Variants in RFTN1 observed in about 807,000 individuals in gnomAD.
RFTN1 encodes raftlin.
A neutral mutation model predicts 46.5 loss-of-function variants in RFTN1; 26 were observed. The observed-to-expected ratio is 0.56, with a 90% confidence interval of 0.41 to 0.78. The LOEUF is 0.78. RFTN1 is among the 30% of genes least tolerant of loss of function. RFTN1 has a pLI of 0.00. For missense variants in RFTN1, 693 were observed against 718.7 expected (o/e 0.96, Z 0.41); for synonymous variants, 261 against 284.2 (o/e 0.92, Z 0.82).
Position 16,451,564 on chromosome 3 carries a change from C to T in RFTN1, c.146-17527G>A, listed in dbSNP as rs533382894. 6.6e-6 allele frequency among the ~76,000 whole-genome samples: 1 copy of T among 152,164 alleles called. No homozygotes were observed. Among genetic ancestry groups the T allele is most frequent in the African/African-American group, 2.4e-5 (1 of 41,422 alleles). On this transcript the variant is annotated intron_variant, in intron 2 of 9. Coordinates refer to ENST00000334133, the MANE Select transcript of RFTN1 (RefSeq NM_015150.2). This position sits in a 1 kb window ranked among gnomAD's most constrained non-coding sequence, Gnocchi z 4.2. Reference sequence around the variant, plus strand: ...TCCCCTCTTCTCCACAGGGGATATGCCTGAAACCACAGATAGTAAAGAACC... The same window carrying T: ...TCCCCTCTTCTCCACAGGGGATATGTCTGAAACCACAGATAGTAAAGAACC...
At chr3:16,470,948 A>G (rs929046341) in intron 2 of RFTN1, among the ~76,000 whole-genome samples, 3 of 152,252 alleles carry the variant, frequency 2.0e-5, no homozygotes, top group South Asian at 2.1e-4. Flanking sequence ...ACTAAATTCA[A>G]TATCTGTCCA....
intron 1 of RFTN1, among the ~76,000 whole-genome samples, chr3:16,495,864 T>C (rs2076616382): frequency 1.3e-5 from 2 of 152,240 alleles, no homozygotes. Flanking sequence ...CATCCCCCCT[T>C]GGGAACAATC....
chr3:16,360,671 A>G (rs1007110981), intron 6 of RFTN1, among the ~76,000 whole-genome samples: 12 of 152,376 alleles, frequency 7.9e-5, no homozygotes, highest in East Asian at 5.8e-4. Flanking sequence ...ATAACCTCCA[A>G]TGCCATCAAA....
Position 16,404,290 on chromosome 3 carries a change from A to T in RFTN1, c.441+5085T>A, listed in dbSNP as rs1320840346. ...TAATATATATAATATGTAATATATAATATATATAATATGTAATATATATTA... is the reference window on the plus strand; with the variant it reads ...TAATATATATAATATGTAATATATATTATATATAATATGTAATATATATTA... On this transcript the variant is annotated intron_variant, in intron 4 of 9. Transcript: ENST00000334133. 2.8e-4 allele frequency among the ~76,000 whole-genome samples: 5 copies of T among 17,994 alleles called. 1 individual carries two copies. The highest frequency in any genetic ancestry group is 3.6e-4 in the Non-Finnish European group (4 of 11,208). 11.8% of individuals were successfully genotyped at this position (17,994 alleles called of 152,430 possible). A position where few individuals can be genotyped will look rare whatever the true frequency, so the allele number is the denominator to read the frequency against.
intron 6 of RFTN1, among the ~76,000 whole-genome samples, chr3:16,359,320 T>C (rs569201367): frequency 1.3e-5 from 2 of 152,312 alleles, no homozygotes; most frequent in East Asian, 3.9e-4. Context: ...TGCTCAATCA[T>C]AATATTATGG....
At position 16,484,036 on chromosome 3, in the gene RFTN1, T is replaced by C. The variant is rs1252785123; in HGVS notation, c.145+9689A>G. ...TTCTGGAGATTGACATTATTTTAGA[T>C]GAGGCCATGGAACTGGCCTATCATC... is the stretch of plus-strand genomic sequence containing the variant. On this transcript the variant is annotated intron_variant, in intron 2 of 9. Transcript: ENST00000334133. This position sits in a 1 kb window ranked among gnomAD's most constrained non-coding sequence, Gnocchi z 4.6. 6.6e-6 allele frequency among the ~76,000 whole-genome samples: 1 copy of C among 152,188 alleles called. No individual in the cohort carries two copies. The highest frequency in any genetic ancestry group is 6.5e-5 in the Admixed American group (1 of 15,282).
intron 2 of RFTN1, chr3:16,472,369 A>C (rs1237702908): frequency 1.3e-5 from 2 of 152,258 alleles, no homozygotes; most frequent in Non-Finnish European, 2.9e-5. Context: ...CACTAACTGC[A>C]AAGAAGAAAC....
intron 1 of RFTN1, among the ~76,000 whole-genome samples, chr3:16,496,119 C>T (rs2076622733): frequency 6.6e-6 from 1 of 152,214 alleles, no homozygotes; most frequent in South Asian, 2.1e-4. Flanking sequence ...AAGCTATTTG[C>T]AATACATTTG....
At chr3:16,490,175 C>G (rs2076517139) in intron 2 of RFTN1, among the ~76,000 whole-genome samples, 1 of 152,182 alleles carries the variant, frequency 6.6e-6, no homozygotes. Context: ...ATAAACAAGG[C>G]TTGGTCCTTG....
chr3:16,470,785 A>G (rs149859798), intron 2 of RFTN1, among the ~76,000 whole-genome samples: 44 of 152,354 alleles, frequency 2.9e-4, no homozygotes, highest in African/African-American at 8.9e-4. Flanking sequence ...ACACCATCAC[A>G]GTCACAATGT....
chr3:16,450,373 T>C lies in RFTN1; in HGVS notation c.146-16336A>G, dbSNP rs762022179. Among the ~76,000 whole-genome samples, 41 of 152,296 alleles carry C rather than the reference T, an allele frequency of 2.7e-4. 2 individuals are homozygous for C. The highest frequency in any genetic ancestry group is 2.0e-3 in the Admixed American group (30 of 15,294). Reference sequence around the variant, plus strand: ...TAGAAAGGGGAGGCTGAAGAGATAGTGTCTGGCCACATCCAGGTGCACAGA... The same window carrying C: ...TAGAAAGGGGAGGCTGAAGAGATAGCGTCTGGCCACATCCAGGTGCACAGA... On this transcript the variant is annotated intron_variant, in intron 2 of 9. Coordinates refer to ENST00000334133, the MANE Select transcript of RFTN1 (RefSeq NM_015150.2). The surrounding 1 kb of genome is among the most constrained non-coding windows in gnomAD (Gnocchi z 4.6).
intron 6 of RFTN1, among the ~76,000 whole-genome samples, chr3:16,363,726 T>A (rs1438420447): frequency 6.6e-6 from 1 of 152,214 alleles, no homozygotes; most frequent in Non-Finnish European, 1.5e-5. Flanking sequence ...CTGTTCTCCT[T>A]TAAACAAGCT....
rs10560544 is a variant in RFTN1 at position 16,465,419 on chromosome 3, G to GACACACAC, written c.145+28298_145+28305dup. On this transcript the variant is annotated intron_variant, in intron 2 of 9. Coordinates refer to ENST00000334133, the MANE Select transcript of RFTN1 (RefSeq NM_015150.2). This position sits in a 1 kb window ranked among gnomAD's most constrained non-coding sequence, Gnocchi z 5.1. ...CCAACAGAGGTTGGCAGCTCAGAGG[G>GACACACAC]ACACACACACACACACACACACACA... is the stretch of plus-strand genomic sequence containing the variant. Among the ~76,000 whole-genome samples, 1,615 of 143,360 alleles carry GACACACAC rather than the reference G, an allele frequency of 0.011. 21 individuals carry two copies. Among genetic ancestry groups the GACACACAC allele is most frequent in the African/African-American group, 0.022 (855 of 39,272 alleles). The allele number at this position is 143,360 out of a possible 152,430, so 94.0% of individuals were successfully genotyped here. A position where few individuals can be genotyped will look rare whatever the true frequency, so the allele number is the denominator to read the frequency against.
intron 2 of RFTN1, 145 bp downstream of exon 2, chr3:16,493,580 G>A (rs574119670): frequency 7.8e-6 from 6 of 765,314 alleles, no homozygotes; most frequent in African/African-American, 1.7e-5. Context: ...CTGGATCTCT[G>A]TAAGCCGCCC....
At position 16,402,737 on chromosome 3, in the gene RFTN1, T is replaced by A. The variant is rs1056027617; in HGVS notation, c.441+6638A>T. Among the ~76,000 whole-genome samples, 3 of 152,184 alleles carry A rather than the reference T, an allele frequency of 2.0e-5. No individual in the cohort carries two copies. The highest frequency in any genetic ancestry group is 7.2e-5 in the African/African-American group (3 of 41,448). On this transcript the variant is annotated intron_variant, in intron 4 of 9. Coordinates refer to ENST00000334133, the MANE Select transcript of RFTN1 (RefSeq NM_015150.2). The surrounding 1 kb of genome is among the most constrained non-coding windows in gnomAD (Gnocchi z 4.5). ...GAGATTTTTCCATCTGTCAAGGTGC[T>A]TTCTTTAGGTTGAGGCATAAGTAGC...
intron 4 of RFTN1, among the ~76,000 whole-genome samples, chr3:16,396,401 C>T (rs1041277797): frequency 2.0e-5 from 3 of 152,138 alleles, no homozygotes; most frequent in African/African-American, 7.2e-5. Context: ...TCAGATTACC[C>T]GGGGCTGATC....
At position 16,329,163 on chromosome 3, in the gene RFTN1, T is replaced by G. The variant is rs2070036703; in HGVS notation, c.1147-2287A>C. On this transcript the variant is annotated intron_variant, in intron 7 of 9. Coordinates refer to ENST00000334133, the MANE Select transcript of RFTN1 (RefSeq NM_015150.2). This position sits in a 1 kb window ranked among gnomAD's most constrained non-coding sequence, Gnocchi z 4.5. Reference sequence around the variant, plus strand: ...TCAGTCTCCTGCTCTCTCCCCTCTTTTCTGCGCTTCCGCCTCGGGATGACG... The same window carrying G: ...TCAGTCTCCTGCTCTCTCCCCTCTTGTCTGCGCTTCCGCCTCGGGATGACG... Among the ~76,000 whole-genome samples the G allele has an allele frequency of 6.6e-6, 1 of 152,182 alleles. No individual in the cohort carries two copies. Among genetic ancestry groups the G allele is most frequent in the South Asian group, 2.1e-4 (1 of 4,830 alleles).
rs1046190188 is a variant in RFTN1 at position 16,329,874 on chromosome 3, G to T, written c.1147-2998C>A. Among the ~76,000 whole-genome samples the T allele has an allele frequency of 1.3e-5, 2 of 152,122 alleles. No individual in the cohort carries two copies. Among genetic ancestry groups the T allele is most frequent in the Non-Finnish European group, 2.9e-5 (2 of 68,026 alleles). On this transcript the variant is annotated intron_variant, in intron 7 of 9. Transcript: ENST00000334133. This position sits in a 1 kb window ranked among gnomAD's most constrained non-coding sequence, Gnocchi z 4.5. ...AGTGGCAGAATGGAGTCCTTTTATT[G>T]GTGGCTGCATCTCGGGCCAGGTTTT...
At position 16,500,274 on chromosome 3, in the gene RFTN1, T is replaced by A. The variant is rs557812733; in HGVS notation, c.-8-6397A>T. 1.1e-4 allele frequency among the ~76,000 whole-genome samples: 17 copies of A among 152,364 alleles called. No homozygotes were observed. The highest frequency in any genetic ancestry group is 4.1e-4 in the African/African-American group (17 of 41,578). The stretch of plus-strand genomic sequence containing the variant: ...TCAATCAGATTACCTATTTTATGTG[T>A]GAGTTCATTGTTGGATCAGCTTTGA... On this transcript the variant is annotated intron_variant, in intron 1 of 9. Transcript: ENST00000334133. The surrounding 1 kb of genome is among the most constrained non-coding windows in gnomAD (Gnocchi z 5.9).
Sources: allele counts gnomAD v4.1 joint callset (sites outside exome capture counted in the v4.1 genomes callset), GRCh38; gene constraint gnomAD v4.1.1; non-coding constraint Gnocchi (gnomAD v3.1); transcripts MANE v1.5; gene names NCBI Gene and HGNC (gene_info 2026-07-23, HGNC 2026-07-21).